MCPH1: variants seen among roughly 807,000 people sequenced by gnomAD.
MCPH1 encodes the protein microcephalin.
Under a neutral mutation model 84.5 loss-of-function variants are expected in MCPH1, and 104 were observed. The observed-to-expected ratio is 1.23, with a 90% confidence interval of 1.05 to 1.45. The LOEUF is 1.45. Ranked by LOEUF, MCPH1 falls within the 40% of genes most tolerant of loss-of-function variation. The probability of loss-of-function intolerance (pLI) is 0.00; values close to 1 mark genes in which losing one functional copy is unlikely to be tolerated. For synonymous variants in MCPH1, 514 were observed against 366.8 expected (o/e 1.40, Z -4.58); for missense variants, 1,498 against 1,005.7 (o/e 1.49, Z -6.62).
intron 9 of MCPH1, among the ~76,000 whole-genome samples, chr8:6,466,691 G>A (rs988504881): frequency 2.6e-5 from 4 of 151,514 alleles, no homozygotes; most frequent in Admixed American, 2.6e-4. Context: ...CTCTCACCTC[G>A]GCCTGTCAAA....
intron 13 of MCPH1, among the ~76,000 whole-genome samples, chr8:6,632,502 T>C (rs1410442195): frequency 6.6e-6 from 1 of 152,260 alleles, no homozygotes; most frequent in East Asian, 1.9e-4. Flanking sequence ...AAAAACTCAT[T>C]TGTAAACAAG....
chr8:6,620,090 C>G (rs1191855631), intron 12 of MCPH1: 1 of 152,182 alleles, frequency 6.6e-6, no homozygotes, highest in Admixed American at 6.5e-5. Context: ...ATCAGTAGCC[C>G]TTTCCACTGC....
At chr8:6,444,006 A>C (rs1803892292) in intron 7 of MCPH1, among the ~76,000 whole-genome samples, 1 of 152,226 alleles carries the variant, frequency 6.6e-6, no homozygotes, top group Non-Finnish European at 1.5e-5. Flanking sequence ...TGTTTCATGC[A>C]AGTCTAGAAC....
At chr8:6,441,616 G>A (rs890364169) in intron 6 of MCPH1, among the ~76,000 whole-genome samples, 1 of 152,150 alleles carries the variant, frequency 6.6e-6, no homozygotes, top group South Asian at 2.1e-4. Flanking sequence ...TTTGGGTCTG[G>A]GTAATTCTTT....
intron 3 of MCPH1, among the ~76,000 whole-genome samples, chr8:6,427,862 G>A (rs757396915): frequency 6.7e-6 from 1 of 149,974 alleles, no homozygotes; most frequent in Non-Finnish European, 1.5e-5. Flanking sequence ...GCGTGATCTC[G>A]GCTCACTGCA....
intron 8 of MCPH1, among the ~76,000 whole-genome samples, chr8:6,454,030 G>A (rs1805400921): frequency 6.6e-6 from 1 of 152,142 alleles, no homozygotes; most frequent in Non-Finnish European, 1.5e-5. Flanking sequence ...ATAGGACCCT[G>A]TTTTTGAAAA....
At chr8:6,618,846 T>C (rs978567102) in intron 12 of MCPH1, 1 of 152,188 alleles carries the variant, frequency 6.6e-6, no homozygotes, top group Non-Finnish European at 1.5e-5. Flanking sequence ...GTCAGTGACT[T>C]AGAAGTGTTT....
intron 8 of MCPH1, among the ~76,000 whole-genome samples, chr8:6,454,702 G>T (rs7007246): frequency 0.013 from 1,991 of 152,262 alleles, 55 homozygotes; most frequent in African/African-American, 0.045. Flanking sequence ...GTAGGTTGAA[G>T]CCTGAAGCTC....
intron 3 of MCPH1, among the ~76,000 whole-genome samples, chr8:6,427,602 A>G (rs1170432995): frequency 6.6e-6 from 1 of 151,592 alleles, no homozygotes; most frequent in Non-Finnish European, 1.5e-5. Context: ...CTAGTCTCCA[A>G]CTCCTGACCT....
intron 13 of MCPH1, among the ~76,000 whole-genome samples, chr8:6,624,123 C>T (rs1011869272): frequency 2.0e-5 from 3 of 152,198 alleles, no homozygotes; most frequent in African/African-American, 7.2e-5. Flanking sequence ...TTTTGCCGCT[C>T]GGCTCTCCCG....
In MCPH1 at chr8:6,431,529, A is replaced by C. The variant is rs772674011; in HGVS notation, c.264A>C (p.Glu88Asp). The change falls in exon 4 of 14, where the codon GAA becomes GAC. Residue 88 changes from glutamate to aspartate, a missense_variant. By Grantham distance (45) the Glu-to-Asp change is conservative. Coordinates refer to ENST00000344683, the MANE Select transcript of MCPH1 (RefSeq NM_024596.5). ...KCRTAGAHID[E>D]SLFPAANMNE... ...GGACAGCTGGAGCACACATTGATGAATCATTGTTCCCTGCAGCTAATATGA... is the reference window on the plus strand; with the variant it reads ...GGACAGCTGGAGCACACATTGATGACTCATTGTTCCCTGCAGCTAATATGA... The C allele has an allele frequency of 4.3e-6, 7 of 1,613,666 alleles. No homozygotes were observed. Among genetic ancestry groups the C allele is most frequent in the Admixed American group, 3.3e-5 (2 of 60,006 alleles).
chr8:6,583,949 TGTG>T (rs1471940480), intron 12 of MCPH1, among the ~76,000 whole-genome samples: 1 of 152,026 alleles, frequency 6.6e-6, no homozygotes. Flanking sequence ...TGGACTTTGT[TGTG>T]GTGGGTAGTT....
chr8:6,506,962 A>T (rs1457318614), intron 12 of MCPH1, among the ~76,000 whole-genome samples: 1 of 151,290 alleles, frequency 6.6e-6, no homozygotes, highest in African/African-American at 2.4e-5. Context: ...TACTGGTGCG[A>T]TCTCGGCTCA....
At chr8:6,443,191 G>T (rs79244791) in intron 7 of MCPH1, among the ~76,000 whole-genome samples, 1 of 152,188 alleles carries the variant, frequency 6.6e-6, no homozygotes, top group African/African-American at 2.4e-5. Flanking sequence ...GCTTGTCCAA[G>T]GTCATGTGGT....
intron 10 of MCPH1, among the ~76,000 whole-genome samples, chr8:6,477,835 T>G (rs1033641830): frequency 2.0e-5 from 3 of 152,242 alleles, no homozygotes; most frequent in Admixed American, 6.5e-5. Flanking sequence ...TGGGGTTGTT[T>G]AGGCAGCATT....
intron 3 of MCPH1, among the ~76,000 whole-genome samples, 169 bp from the exon 4 acceptor site, chr8:6,431,330 T>G (rs893604512): frequency 1.3e-5 from 2 of 152,216 alleles, no homozygotes; most frequent in African/African-American, 4.8e-5. Flanking sequence ...TTTTGGGAAG[T>G]TTGATTTATA....
At chr8:6,451,814 T>A (rs1440191589) in intron 8 of MCPH1, among the ~76,000 whole-genome samples, 1 of 152,218 alleles carries the variant, frequency 6.6e-6, no homozygotes, top group Non-Finnish European at 1.5e-5. Flanking sequence ...TCTCATTGGA[T>A]AATGTTAAGT....
intron 12 of MCPH1, among the ~76,000 whole-genome samples, chr8:6,581,864 C>A (rs370484287): frequency 1.9e-4 from 29 of 152,208 alleles, no homozygotes; most frequent in African/African-American, 4.3e-4. Flanking sequence ...TCATAGATGG[C>A]GCCTTCTCTG....
chr8:6,435,777 T>G (rs1802556392), intron 4 of MCPH1, among the ~76,000 whole-genome samples: 1 of 152,170 alleles, frequency 6.6e-6, no homozygotes, highest in African/African-American at 2.4e-5. Flanking sequence ...GGCTAAAAAC[T>G]TTCATGGAAA....
Sources: gnomAD v4.1 joint callset for allele counts (sites outside exome capture counted in the v4.1 genomes callset) on GRCh38, gnomAD v4.1.1 for gene constraint, MANE v1.5 for transcripts, NCBI Gene and HGNC (gene_info 2026-07-23, HGNC 2026-07-21) for gene names.